RGPD8: variants seen among roughly 807,000 people sequenced by gnomAD.
RGPD8 encodes the protein RANBP2 like and GRIP domain containing 8, also known as RANBP2-like and GRIP domain-containing protein 8.
In RGPD8, 15 loss-of-function variants were observed where a neutral mutation model predicts 89.1. The ratio of observed to expected loss-of-function variants is 0.17; its 90% confidence interval spans 0.11 to 0.26. The LOEUF (loss-of-function observed/expected upper bound fraction) is 0.26, where lower values mean the gene tolerates loss of function less well. Ranked by LOEUF, RGPD8 falls within the 10% of genes least tolerant of loss-of-function variation. The pLI is 1.00. For synonymous variants in RGPD8, 62 were observed against 420.9 expected, an observed-to-expected ratio of 0.15 and a Z score of 10.44; for missense variants, 178 against 1,179.6, an observed-to-expected ratio of 0.15 and a Z score of 12.44.
chr2:112,425,610 A>G (rs1368131626), intron 1 of RGPD8, among the ~76,000 whole-genome samples: 1 of 151,760 alleles, frequency 6.6e-6, no homozygotes, highest in South Asian at 2.1e-4. Context: ...AAATACAAAA[A>G]TTAGCTGGGC....
intron 21 of RGPD8, among the ~76,000 whole-genome samples, chr2:112,379,514 G>C (rs1379999732): frequency 1.3e-5 from 2 of 149,746 alleles, no homozygotes; most frequent in Admixed American, 1.3e-4. Context: ...GGAATCGCTT[G>C]AACCTGGGAG....
intron 22 of RGPD8, among the ~76,000 whole-genome samples, chr2:112,374,858 C>CTTTTTTTTTTT (rs780008775): frequency 9.7e-6 from 1 of 103,454 alleles, no homozygotes; most frequent in African/African-American, 4.0e-5. Context: ...AGTTTACATT[C>CTTTTTTTTTTT]TTTTTTTTTT....
At chr2:112,428,152 T>C (rs1679859520) in intron 1 of RGPD8, among the ~76,000 whole-genome samples, 1 of 152,246 alleles carries the variant, frequency 6.6e-6, no homozygotes, top group Non-Finnish European at 1.5e-5. Context: ...CTTTCAAAAT[T>C]GCAAAAAAAA....
intron 7 of RGPD8, among the ~76,000 whole-genome samples, chr2:112,410,621 A>G (rs1190438698): frequency 6.7e-6 from 1 of 148,964 alleles, no homozygotes; most frequent in African/African-American, 2.6e-5. Context: ...ATTAAAAAAT[A>G]CAAAAAATTA....
rs769760514 is a variant in RGPD8 at position 112,390,084 on chromosome 2, C to T, written c.2861G>A (p.Arg954Gln). 47 of 1,573,678 alleles carry T rather than the reference C, an allele frequency of 3.0e-5. 8 individuals are homozygous for T. Among genetic ancestry groups the T allele is most frequent in the South Asian group, 1.0e-4 (9 of 88,440 alleles). ...AAAAATCACACCACGGCCCTTCTTC[C>T]GGCCCCTAATATCCTGAGCCTGTAA... ...TGLQAQDIRGRKKGRGVIFGQ... is the reference protein window; with the variant it reads ...TGLQAQDIRGQKKGRGVIFGQ... The change falls in exon 20 of 23, where the codon CGG becomes CAG. Residue 954 changes from arginine to glutamine, a missense_variant. Physicochemically the swap from Arg to Gln is conservative, Grantham distance 43. Coordinates refer to ENST00000302558, the MANE Select transcript of RGPD8 (RefSeq NM_001164463.1).
chr2:112,415,609 G>A (rs1679367275), intron 6 of RGPD8, among the ~76,000 whole-genome samples: 1 of 151,122 alleles, frequency 6.6e-6, no homozygotes, highest in East Asian at 1.9e-4. Context: ...GAGGCAGGAG[G>A]ATAAGCTCTT....
At chr2:112,410,673 C>T (rs1175064298) in intron 7 of RGPD8, among the ~76,000 whole-genome samples, 3 of 151,116 alleles carry the variant, frequency 2.0e-5, no homozygotes, top group Non-Finnish European at 2.9e-5. Flanking sequence ...AGATACGTGA[C>T]AGGCTGAAGC....
intron 1 of RGPD8, among the ~76,000 whole-genome samples, chr2:112,429,770 T>G (rs1177397594): frequency 6.6e-6 from 1 of 152,096 alleles, no homozygotes; most frequent in Non-Finnish European, 1.5e-5. Context: ...ACAGAAGCCA[T>G]CGGGAAAAAG....
chr2:112,402,495 C>CAAGAAAAAAGAA (rs1553503523), intron 9 of RGPD8, among the ~76,000 whole-genome samples: 1 of 147,012 alleles, frequency 6.8e-6, no homozygotes, highest in Non-Finnish European at 1.5e-5. Context: ...GTCTCAAAAA[C>CAAGAAAAAAGAA]AAGAAAAGAA....
Position 112,390,117 on chromosome 2 carries a change from T to A in RGPD8, c.2828A>T (p.Asp943Val). The A allele has an allele frequency of 6.2e-7, 1 of 1,604,228 alleles. No homozygotes were observed. Among genetic ancestry groups the A allele is most frequent in the Non-Finnish European group, 8.5e-7 (1 of 1,176,214 alleles). The change falls in exon 20 of 23, where the codon GAT (aspartate) becomes GTT (valine). Residue 943 changes from aspartate (D) to valine (V), a missense_variant. Physicochemically the swap from Asp to Val is radical, Grantham distance 152. Transcript: ENST00000302558. ...EKKREKPLEN[D>V]TGLQAQDIRG... ...AATATCCTGAGCCTGTAAGCCAGTATCATTTTCAAGAGGCTTTTCCCTTTT... is the reference window on the plus strand; with the variant it reads ...AATATCCTGAGCCTGTAAGCCAGTAACATTTTCAAGAGGCTTTTCCCTTTT...
chr2:112,370,869 A>G (rs1256019125), intron 22 of RGPD8, among the ~76,000 whole-genome samples: 1 of 151,968 alleles, frequency 6.6e-6, no homozygotes, highest in East Asian at 1.9e-4. Context: ...AGAAATGATT[A>G]TCTACAAACA....
Position 112,376,492 on chromosome 2 carries a change from T to C in RGPD8, c.5263+1561A>G, listed in dbSNP as rs575554492. On this transcript the variant is annotated intron_variant, in intron 22 of 22. Transcript: ENST00000302558. The stretch of plus-strand genomic sequence containing the variant: ...ATTAATAAGTGGCACATTAAAAATA[T>C]ACTTATATATATAATTGTTATAGAT... Among the ~76,000 whole-genome samples, 1,029 of 112,126 alleles carry C rather than the reference T, an allele frequency of 9.2e-3. 51 individuals carry two copies. The highest frequency in any genetic ancestry group is 0.031 in the African/African-American group (978 of 31,828). 73.6% of individuals were successfully genotyped at this position (112,126 alleles called of 152,430 possible).
intron 1 of RGPD8, among the ~76,000 whole-genome samples, chr2:112,432,187 G>C (rs182697378): frequency 2.0e-4 from 31 of 152,188 alleles, no homozygotes; most frequent in Admixed American, 1.6e-3. Flanking sequence ...AGCTTCTTCC[G>C]TCACTCTTTA....
chr2:112,382,022 G>C (rs1406832197), intron 20 of RGPD8, among the ~76,000 whole-genome samples: 2 of 152,056 alleles, frequency 1.3e-5, no homozygotes, highest in African/African-American at 4.8e-5. Flanking sequence ...CCCTTAATCT[G>C]GTAGGTGCCA....
chr2:112,410,499 C>T (rs1231586277), intron 7 of RGPD8, among the ~76,000 whole-genome samples: 104 of 151,780 alleles, frequency 6.9e-4, no homozygotes, highest in Admixed American at 3.5e-3. Flanking sequence ...ATTTACAGGC[C>T]GGGCTCAATG....
intron 6 of RGPD8, among the ~76,000 whole-genome samples, chr2:112,413,640 T>G (rs1679270813): frequency 7.2e-6 from 1 of 138,304 alleles, no homozygotes; most frequent in African/African-American, 2.9e-5. Context: ...AAAATTACTT[T>G]TACAATACCA....
intron 1 of RGPD8, among the ~76,000 whole-genome samples, chr2:112,431,581 A>G (rs1288413426): frequency 6.6e-6 from 1 of 152,028 alleles, no homozygotes; most frequent in Non-Finnish European, 1.5e-5. Flanking sequence ...ACCTATGCTT[A>G]GTTATGATAA....
At position 112,370,191 on chromosome 2, in the gene RGPD8, CG is replaced by C. The variant is rs1677907847; in HGVS notation, c.5284del (p.Arg1762ValfsTer28). ...AAGATAGGATGCTCATCCAGAAGAA[CG>C]GGAAGGATTTTCTTCCTCATCTTTA... ...VAQDEEENPS[R>X]SSG On this transcript the variant is annotated frameshift_variant, in exon 23 of 23. Coordinates refer to ENST00000302558, the MANE Select transcript of RGPD8 (RefSeq NM_001164463.1). LOFTEE classifies it high-confidence loss of function. 6.5e-7 allele frequency: 1 copy of C among 1,544,326 alleles called. No homozygotes were observed. Among genetic ancestry groups the C allele is most frequent in the African/African-American group, 1.4e-5 (1 of 69,328 alleles).
chr2:112,425,756 C>CAA lies in RGPD8; in HGVS notation c.73-1451_73-1450dup, dbSNP rs942303412. 4.7e-3 allele frequency among the ~76,000 whole-genome samples: 472 copies of CAA among 100,378 alleles called. 5 individuals are homozygous for CAA. Among genetic ancestry groups the CAA allele is most frequent in the African/African-American group, 0.016 (435 of 26,434 alleles). 65.9% of individuals were successfully genotyped at this position (100,378 alleles called of 152,430 possible). Reference sequence around the variant, plus strand: ...CCTGGGCAACAGAATGATTCCATCTCAAAAAAAAAAAAAAAAAAATGCTGA... The same window carrying CAA: ...CCTGGGCAACAGAATGATTCCATCTCAAAAAAAAAAAAAAAAAAAAATGCTGA... On this transcript the variant is annotated intron_variant, in intron 1 of 22. Transcript: ENST00000302558.
Sources: gnomAD v4.1 joint callset for allele counts (sites outside exome capture counted in the v4.1 genomes callset) on GRCh38, gnomAD v4.1.1 for gene constraint, MANE v1.5 for transcripts, NCBI Gene and HGNC (gene_info 2026-07-23, HGNC 2026-07-21) for gene names.